KCNMB2: variants seen among roughly 807,000 people sequenced by gnomAD.
The protein encoded by KCNMB2 is potassium calcium-activated channel subfamily M regulatory beta subunit 2.
In KCNMB2, 9 loss-of-function variants were observed where a neutral mutation model predicts 24.5. The observed-to-expected ratio is 0.37, with a 90% CI of 0.22 to 0.64. The LOEUF is 0.64. KCNMB2 is among the 30% of genes least tolerant of loss of function. The probability of loss-of-function intolerance (pLI) is 0.63; values close to 1 mark genes in which losing one functional copy is unlikely to be tolerated. For missense variants in KCNMB2, 226 were observed against 284.3 expected, an observed-to-expected ratio of 0.79 and a Z score of 1.47; for synonymous variants, 109 against 104.4, an observed-to-expected ratio of 1.04 and a Z score of -0.27.
chr3:178,748,159 CTTGTTTGGAACCA>C (rs1402784660), intron 1 of KCNMB2: 17 of 152,160 alleles, frequency 1.1e-4, no homozygotes, highest in Admixed American at 2.0e-4. Context: ...CAAATTCTGC[CTTGTTTGGAACCA>C]TCACTCAAAG....
chr3:178,586,744 CGTGTT>C (rs1717454300), intron 1 of KCNMB2, among the ~76,000 whole-genome samples: 1 of 151,678 alleles, frequency 6.6e-6, no homozygotes, highest in Admixed American at 6.6e-5. Context: ...AGGGTTTCAC[CGTGTT>C]GGTCAGGCTC....
At position 178,655,089 on chromosome 3, in the gene KCNMB2, G is replaced by GCTCTCC. The variant is rs1322650042; in HGVS notation, c.-68+118384_-68+118389dup. Among the ~76,000 whole-genome samples the GCTCTCC allele has an allele frequency of 6.4e-5, 5 of 77,958 alleles. No individual in the cohort carries two copies. In the East Asian group the frequency reaches 1.6e-3, roughly 25 times the overall value. 51.1% of individuals were successfully genotyped at this position (77,958 alleles called of 152,430 possible). On this transcript the variant is annotated intron_variant, in intron 1 of 4. Transcript: ENST00000452583. ...TTAGTGTAAAGTTCAGTAAATATTA[G>GCTCTCC]CTCTCCCTCTCTCTCTCTCTCTCTC...
intron 1 of KCNMB2, among the ~76,000 whole-genome samples, chr3:178,608,665 C>A (rs1718365751): frequency 6.6e-6 from 1 of 152,080 alleles, no homozygotes; most frequent in Admixed American, 6.6e-5. Flanking sequence ...GCCCCCTCAG[C>A]CCCCAACTAC....
rs1460429852 is a variant in KCNMB2, at chr3:178,660,253, T to C, written c.-68+123542T>C. ...GCAGAGGATATTAAATAAGAAAACG[T>C]ATGCAAAATACCAATTACAGCACCA... On this transcript the variant is annotated intron_variant, in intron 1 of 4. Transcript: ENST00000452583. 2.0e-5 allele frequency among the ~76,000 whole-genome samples: 3 copies of C among 152,198 alleles called. No individual in the cohort carries two copies. The East Asian group carries it at 5.8e-4, about 29-fold the overall frequency.
intron 1 of KCNMB2, among the ~76,000 whole-genome samples, chr3:178,758,467 C>CAT (rs1340982987): frequency 2.0e-4 from 7 of 35,414 alleles, no homozygotes; most frequent in Non-Finnish European, 3.2e-4. Flanking sequence ...GATATATATA[C>CAT]ATATATATAT....
chr3:178,682,666 T>C (rs1386331795), intron 1 of KCNMB2, among the ~76,000 whole-genome samples: 2 of 151,766 alleles, frequency 1.3e-5, no homozygotes, highest in African/African-American at 2.4e-5. Flanking sequence ...ACTTAAACAA[T>C]TGAACAAGCA....
At chr3:178,688,932 T>C (rs1445054172) in intron 1 of KCNMB2, among the ~76,000 whole-genome samples, 1 of 152,204 alleles carries the variant, frequency 6.6e-6, no homozygotes, top group Non-Finnish European at 1.5e-5. Context: ...AGCAAGTGTT[T>C]CAGTAAGTAT....
intron 1 of KCNMB2, among the ~76,000 whole-genome samples, chr3:178,623,405 C>A (rs145882265): frequency 1.7e-4 from 26 of 152,254 alleles, no homozygotes; most frequent in Non-Finnish European, 2.9e-4. Flanking sequence ...GTGTCTCTAC[C>A]CACACCCAGA....
rs1190561270 is a variant in KCNMB2 at position 178,604,807 on chromosome 3, CA to C, written c.-68+68099del. Among the ~76,000 whole-genome samples, 10 of 152,256 alleles carry C rather than the reference CA, an allele frequency of 6.6e-5. No individual in the cohort carries two copies. In the East Asian group the frequency reaches 1.9e-3, roughly 29 times the overall value. ...CTGCTGCTGGCTAACTTATTTGACA[CA>C]AAGTAAATCATTTAAATCAATCAGT... On this transcript the variant is annotated intron_variant, in intron 1 of 4. Transcript: ENST00000452583.
At chr3:178,563,739 AC>A (rs1046084041) in intron 1 of KCNMB2, among the ~76,000 whole-genome samples, 9 of 152,130 alleles carry the variant, frequency 5.9e-5, no homozygotes, top group Non-Finnish European at 1.2e-4. Context: ...GAAAGGAAAT[AC>A]CAGAGCGTCC....
chr3:178,589,846 T>G (rs1356202265), intron 1 of KCNMB2, among the ~76,000 whole-genome samples: 9 of 152,122 alleles, frequency 5.9e-5, no homozygotes, highest in Non-Finnish European at 1.0e-4. Flanking sequence ...AATTAACCAT[T>G]CAATAAATAC....
At chr3:178,590,223 T>A (rs140895973) in intron 1 of KCNMB2, among the ~76,000 whole-genome samples, 16 of 152,254 alleles carry the variant, frequency 1.1e-4, no homozygotes, top group Non-Finnish European at 1.5e-4. Context: ...TAGTGACAAA[T>A]ATTCATTGAG....
chr3:178,623,795 T>C (rs1719004604), intron 1 of KCNMB2, among the ~76,000 whole-genome samples: 1 of 152,174 alleles, frequency 6.6e-6, no homozygotes, highest in South Asian at 2.1e-4. Flanking sequence ...TGGTGGACCG[T>C]ATTCAAGGCC....
intron 1 of KCNMB2, among the ~76,000 whole-genome samples, chr3:178,627,821 A>G (rs1719175097): frequency 6.6e-6 from 1 of 152,222 alleles, no homozygotes; most frequent in Admixed American, 6.5e-5. Flanking sequence ...GACAGCAACC[A>G]GTGCAATCAA....
intron 1 of KCNMB2, among the ~76,000 whole-genome samples, chr3:178,738,557 T>C (rs941643185): frequency 3.3e-5 from 5 of 152,186 alleles, no homozygotes; most frequent in African/African-American, 1.2e-4. Context: ...GTTGTTCCCA[T>C]AAGCCAAACT....
intron 1 of KCNMB2, among the ~76,000 whole-genome samples, chr3:178,620,859 C>T (rs989787062): frequency 2.0e-5 from 3 of 152,164 alleles, no homozygotes; most frequent in Non-Finnish European, 4.4e-5. Flanking sequence ...AAGAAGGATG[C>T]ATTCTAGGCA....
At chr3:178,543,826 T>C (rs1715694554) in intron 1 of KCNMB2, among the ~76,000 whole-genome samples, 1 of 152,226 alleles carries the variant, frequency 6.6e-6, no homozygotes, top group African/African-American at 2.4e-5. Flanking sequence ...GTCACTGTCA[T>C]AAAAATGTCA....
chr3:178,718,396 T>TCTAG (rs1218077184), intron 1 of KCNMB2, among the ~76,000 whole-genome samples: 1 of 152,210 alleles, frequency 6.6e-6, no homozygotes, highest in African/African-American at 2.4e-5. Context: ...TATGCATGTG[T>TCTAG]CTAGCTAGCT....
At chr3:178,616,898 T>C (rs966068906) in intron 1 of KCNMB2, among the ~76,000 whole-genome samples, 5 of 152,230 alleles carry the variant, frequency 3.3e-5, no homozygotes, top group Admixed American at 2.0e-4. Flanking sequence ...AACCCATTCC[T>C]TTCCTACTTG....
Sources: allele counts gnomAD v4.1 joint callset (sites outside exome capture counted in the v4.1 genomes callset), GRCh38; gene constraint gnomAD v4.1.1; transcripts MANE v1.5; gene names NCBI Gene and HGNC (gene_info 2026-07-23, HGNC 2026-07-21).